The following LPA variants were observed in gnomAD, a reference collection of about 807,000 sequenced individuals.
LPA encodes the protein lipoprotein(a).
Under a neutral mutation model 197.9 loss-of-function variants are expected in LPA, and 199 were observed. The ratio of observed to expected loss-of-function variants is 1.01; its 90% CI spans 0.90 to 1.13. The LOEUF (loss-of-function observed/expected upper bound fraction) is 1.13. Ranked by LOEUF, LPA falls within the 50% of genes most tolerant of loss-of-function variation. LPA has a pLI of 0.00. For synonymous variants in LPA, 715 were observed against 639.5 expected (o/e 1.12, Z -1.78); for missense variants, 1,853 against 1,785.8 (o/e 1.04, Z -0.68).
At chr6:160,534,950 ATGG>A (rs1247947020) in intron 37 of LPA, among the ~76,000 whole-genome samples, 1 of 144,504 alleles carries the variant, frequency 6.9e-6, no homozygotes, top group Non-Finnish European at 1.5e-5. Flanking sequence ...GGTGATGGTG[ATGG>A]TGGTGCTGGT....
chr6:160,565,689 G>T (rs1465650818), intron 28 of LPA, among the ~76,000 whole-genome samples: 1 of 152,188 alleles, frequency 6.6e-6, no homozygotes, highest in East Asian at 1.9e-4. Context: ...TTGATGAGTT[G>T]AGAGAAGAAG....
At chr6:160,561,487 T>C (rs200366807) in intron 28 of LPA, among the ~76,000 whole-genome samples, 1 of 152,166 alleles carries the variant, frequency 6.6e-6, no homozygotes, top group Non-Finnish European at 1.5e-5. Context: ...TTGTAGTATA[T>C]TTTGAAGTCA....
At chr6:160,565,456 A>G (rs1778435053) in intron 28 of LPA, among the ~76,000 whole-genome samples, 1 of 152,222 alleles carries the variant, frequency 6.6e-6, no homozygotes, top group South Asian at 2.1e-4. Context: ...CCTGCAGCTG[A>G]GGGTCCTGAC....
intron 28 of LPA, among the ~76,000 whole-genome samples, chr6:160,559,170 C>T (rs1258970648): frequency 6.6e-6 from 1 of 152,160 alleles, no homozygotes; most frequent in African/African-American, 2.4e-5. Flanking sequence ...GAGTCCCTAC[C>T]CAATTAATCT....
intron 23 of LPA, among the ~76,000 whole-genome samples, chr6:160,590,203 C>T (rs571404620): frequency 6.6e-6 from 1 of 152,334 alleles, no homozygotes; most frequent in Non-Finnish European, 1.5e-5. Context: ...CAGGCAAAGA[C>T]ACATTGTCTC....
chr6:160,576,660 AT>A (rs1039406870), intron 28 of LPA, among the ~76,000 whole-genome samples: 1 of 134,350 alleles, frequency 7.4e-6, no homozygotes, highest in Non-Finnish European at 1.6e-5. Context: ...ATATATAAAT[AT>A]TCAGATGTTT....
At chr6:160,647,714 A>C (rs1779925121) in intron 2 of LPA, among the ~76,000 whole-genome samples, 1 of 152,216 alleles carries the variant, frequency 6.6e-6, no homozygotes, top group East Asian at 1.9e-4. Flanking sequence ...TGCATGAGGT[A>C]AGAAACTTAC....
In LPA at chr6:160,591,072, G is replaced by A. The variant is rs780652577; in HGVS notation, c.3659C>T (p.Pro1220Leu). Residue 1220 changes from proline (P) to leucine (L), a missense_variant, in exon 23 of 39, where the codon CCA becomes CTA. Pro to Leu is a moderately conservative substitution (Grantham distance 98). Around this residue, in one of 3 missense-constraint regions of LPA, gnomAD observed 1,737 missense variants for 1,504.4 expected, o/e 1.15. Transcript: ENST00000316300. ...ACACCAAGGACTAATCTCAGCATCT[G>A]GATTCCTGCAGTAGTTCCTGGTCAG... ...GGLTRNYCRN[P>L]DAEISPWCYT... 9.3e-6 allele frequency: 15 copies of A among 1,613,818 alleles called. No homozygotes were observed. The highest frequency in any genetic ancestry group is 1.3e-5 in the Non-Finnish European group (15 of 1,179,894).
chr6:160,602,567 C>A (rs1180538567), intron 18 of LPA, among the ~76,000 whole-genome samples: 1 of 152,164 alleles, frequency 6.6e-6, no homozygotes, highest in Non-Finnish European at 1.5e-5. Flanking sequence ...CTACATTTGC[C>A]ATTTGCTGGG....
At chr6:160,573,978 G>T (rs1267923029) in intron 28 of LPA, among the ~76,000 whole-genome samples, 2 of 152,132 alleles carry the variant, frequency 1.3e-5, no homozygotes, top group Non-Finnish European at 2.9e-5. Flanking sequence ...TATGCTCTTT[G>T]TCTTCTGCTA....
At chr6:160,658,489 C>G (rs1470572931) in intron 1 of LPA, among the ~76,000 whole-genome samples, 1 of 152,170 alleles carries the variant, frequency 6.6e-6, no homozygotes, top group Non-Finnish European at 1.5e-5. Context: ...CTGAGATCAT[C>G]ATTTTCTTTC....
At chr6:160,588,170 A>G (rs758256196) in intron 24 of LPA, among the ~76,000 whole-genome samples, 5 of 152,014 alleles carry the variant, frequency 3.3e-5, no homozygotes, top group Non-Finnish European at 7.4e-5. Flanking sequence ...TTGTGTCTCT[A>G]TTAAATTTTT....
At chr6:160,566,053 GC>G (rs1420513616) in intron 28 of LPA, among the ~76,000 whole-genome samples, 2 of 152,298 alleles carry the variant, frequency 1.3e-5, no homozygotes, top group Non-Finnish European at 2.9e-5. Flanking sequence ...ATCTACATCT[GC>G]TTGGTGTACC....
At chr6:160,588,357 C>G (rs1410709797) in intron 24 of LPA, among the ~76,000 whole-genome samples, 2 of 152,008 alleles carry the variant, frequency 1.3e-5, no homozygotes, top group Non-Finnish European at 2.9e-5. Flanking sequence ...CTGGAGTCAC[C>G]TTGATTCTAG....
chr6:160,635,352 A>G, intron 6 of LPA, 48 bp from the exon 7 acceptor site: 1 of 780,906 alleles, frequency 1.3e-6, no homozygotes, highest in Non-Finnish European at 1.9e-6. Context: ...GACAACATGC[A>G]GGGGCACCCC....
chr6:160,566,602 G>A (rs1224675852), intron 28 of LPA, among the ~76,000 whole-genome samples: 2 of 152,130 alleles, frequency 1.3e-5, no homozygotes, highest in Non-Finnish European at 2.9e-5. Context: ...AAAATAACCA[G>A]CGAACATCAT....
rs1352478532 is a variant in LPA, at chr6:160,556,174, C to T, written c.4824G>A (p.Glu1608=). Residue 1608 remains glutamate, a synonymous_variant, in exon 30 of 39, where the codon GAG becomes GAA. Transcript: ENST00000316300. ...AGCACTGCCGGACCACAGGGGTTTG[C>T]TCAGTTGGTGCTGAAAATAGACAAA... ...MEAHSEAAPT[E]QTPVVRQCYH... 6.2e-7 allele frequency: 1 copy of T among 1,613,818 alleles called. No individual in the cohort carries two copies. Among genetic ancestry groups the T allele is most frequent in the East Asian group, 2.2e-5 (1 of 44,846 alleles).
chr6:160,576,802 G>A (rs1005385081), intron 28 of LPA, among the ~76,000 whole-genome samples: 1 of 149,410 alleles, frequency 6.7e-6, no homozygotes, highest in African/African-American at 2.5e-5. Context: ...TAGAATGACA[G>A]AATTGCACGA....
chr6:160,657,119 T>G (rs1582904969), intron 1 of LPA, among the ~76,000 whole-genome samples: 1 of 152,232 alleles, frequency 6.6e-6, no homozygotes, highest in African/African-American at 2.4e-5. Context: ...TGGTTCCTAC[T>G]GTTAGATCTG....
Sources: allele counts gnomAD v4.1 joint callset (sites outside exome capture counted in the v4.1 genomes callset), GRCh38; gene constraint gnomAD v4.1.1; regional missense constraint gnomAD v4.1.1; transcripts MANE v1.5; gene names NCBI Gene and HGNC (gene_info 2026-07-23, HGNC 2026-07-21).